CEP350: variants seen among roughly 807,000 people sequenced by gnomAD.
CEP350 encodes centrosomal protein 350.
Under a neutral mutation model 331.8 loss-of-function variants are expected in CEP350, and 126 were observed. The observed-to-expected ratio is 0.38, with a 90% CI of 0.33 to 0.44. CEP350 has a LOEUF of 0.44. Ranked by LOEUF, CEP350 falls within the 20% of genes least tolerant of loss-of-function variation. CEP350 has a pLI of 1.00. For missense variants in CEP350, 3,406 were observed against 3,634.6 expected (o/e 0.94, Z 1.62); for synonymous variants, 1,200 against 1,259.5 (o/e 0.95, Z 1.00).
chr1:180,006,773 A>G (rs574889190), intron 8 of CEP350, among the ~76,000 whole-genome samples: 57 of 152,074 alleles, frequency 3.7e-4, no homozygotes, highest in African/African-American at 1.4e-3. Flanking sequence ...CCAGCCCCCA[A>G]CAAGCCCCGA....
At chr1:180,101,201 C>A (rs1302552218) in intron 37 of CEP350, among the ~76,000 whole-genome samples, 3 of 152,054 alleles carry the variant, frequency 2.0e-5, no homozygotes, top group Non-Finnish European at 4.4e-5. Flanking sequence ...ATGTGACTAT[C>A]CCCTTTGCTG....
intron 37 of CEP350, among the ~76,000 whole-genome samples, chr1:180,109,253 G>C (rs1661342953): frequency 6.6e-6 from 1 of 151,526 alleles, no homozygotes; most frequent in Non-Finnish European, 1.5e-5. Context: ...CTGAGTAGCT[G>C]CGATTACAGG....
At chr1:180,002,852 A>T (rs1000782572) in intron 6 of CEP350, among the ~76,000 whole-genome samples, 71 of 152,214 alleles carry the variant, frequency 4.7e-4, no homozygotes, top group African/African-American at 1.7e-3. Flanking sequence ...CAAAAGACAC[A>T]TGTTGTATGA....
intron 12 of CEP350, 71 bp from the exon 13 acceptor site, chr1:180,022,627 T>C (rs1655402253): frequency 7.3e-7 from 1 of 1,375,318 alleles, no homozygotes; most frequent in Non-Finnish European, 1.0e-6. Context: ...CTAATCTCCA[T>C]GTATGGGATG....
chr1:180,073,444 A>G (rs2149055047), intron 27 of CEP350, among the ~76,000 whole-genome samples: 1 of 152,310 alleles, frequency 6.6e-6, no homozygotes, highest in African/African-American at 2.4e-5. Flanking sequence ...CATGGCCATA[A>G]TTGTTGTACT....
At chr1:180,086,646 C>T (rs967755617) in intron 31 of CEP350, among the ~76,000 whole-genome samples, 1 of 152,008 alleles carries the variant, frequency 6.6e-6, no homozygotes, top group Non-Finnish European at 1.5e-5. Flanking sequence ...ATATGTATAG[C>T]TTTCAGATCT....
At chr1:180,022,389 G>T (rs182274073) in intron 12 of CEP350, among the ~76,000 whole-genome samples, 62 of 152,250 alleles carry the variant, frequency 4.1e-4, no homozygotes, top group African/African-American at 1.5e-3. Context: ...AGTCTGGGGG[G>T]TGGGAGATGA....
At position 180,093,066 on chromosome 1, in the gene CEP350, A is replaced by G; in HGVS notation, c.6961A>G (p.Asn2321Asp). Residue 2321 changes from asparagine (N) to aspartate (D), a missense_variant, in exon 34 of 38, where the codon AAT becomes GAT. By Grantham distance (23) the Asn-to-Asp change is conservative. This residue lies in a region of CEP350 where 1,415 missense variants were observed against 1,512.3 expected (regional missense o/e 0.94). Transcript: ENST00000367607. ...QKDLVGLAIE[N>D]LHKSEEMLKE... ...AGACCTAGTTGGATTAGCTATTGAA[A>G]ATCTCCATAAAAGTGAGGAAATGTT... The G allele has an allele frequency of 6.2e-7, 1 of 1,605,724 alleles. No homozygotes were observed.
At chr1:179,991,314 C>CTTTTTTTTTT (rs748309168) in intron 4 of CEP350, among the ~76,000 whole-genome samples, 110 of 109,348 alleles carry the variant, frequency 1.0e-3, no homozygotes, top group Non-Finnish European at 1.4e-3. Flanking sequence ...TCTTTCTTTT[C>CTTTTTTTTTT]TTTTTTTTTT....
At position 180,098,853 on chromosome 1, in the gene CEP350, G is replaced by A. The variant is rs12121845; in HGVS notation, c.9067-10G>A. ...TGTTTGTGTTTCGTGTATTTGTCTT[G>A]TTTCCACAGAGCTTCATAGCAAGTG... is the stretch of plus-strand genomic sequence containing the variant. On this transcript the variant is annotated splice_polypyrimidine_tract_variant and intron_variant, in intron 36 of 37. Transcript: ENST00000367607. The A allele has an allele frequency of 0.13, 212,474 of 1,608,164 alleles. 14,837 individuals are homozygous for A. Among genetic ancestry groups the A allele is most frequent in the African/African-American group, 0.15 (11,478 of 74,656 alleles).
Position 180,098,920 on chromosome 1 carries a change from A to G in CEP350, c.9124A>G (p.Lys3042Glu), listed in dbSNP as rs750184585. ...CAGTCTTAAAAAGGAGCCAAACCAC[A>G]AAACAGATTGGCAGAAAATGATGAA... Reference protein sequence around the residue: ...LFSLKKEPNHKTDWQKMMKFG... With the variant: ...LFSLKKEPNHETDWQKMMKFG... Residue 3042 changes from lysine (K) to glutamate (E), a missense_variant, in exon 37 of 38, where the codon AAA becomes GAA. Physicochemically the swap from Lys to Glu is moderately conservative, Grantham distance 56 (BLOSUM62 1). Transcript: ENST00000367607. The G allele has an allele frequency of 1.2e-6, 2 of 1,613,620 alleles. No individual in the cohort carries two copies. The highest frequency in any genetic ancestry group is 8.5e-7 in the Non-Finnish European group (1 of 1,179,648).
At chr1:180,042,867 G>C (rs1656859714) in intron 19 of CEP350, among the ~76,000 whole-genome samples, 189 bp from the exon 20 acceptor site, 1 of 152,208 alleles carries the variant, frequency 6.6e-6, no homozygotes, top group African/African-American at 2.4e-5. Flanking sequence ...GTCTAACTCT[G>C]TTTTTATAAG....
Position 179,954,932 on chromosome 1 carries a change from T to C in CEP350, c.-224T>C, listed in dbSNP as rs1650051525. ...CCGCAGCTCGGGGGGTGGCTTGCCCTGAGGGAGGGGAGGCAGCCTTTCCGC... is the reference window on the plus strand; with the variant it reads ...CCGCAGCTCGGGGGGTGGCTTGCCCCGAGGGAGGGGAGGCAGCCTTTCCGC... On this transcript the variant is annotated 5_prime_UTR_variant, in exon 1 of 38. Coordinates refer to ENST00000367607, the MANE Select transcript of CEP350 (RefSeq NM_014810.5). 1 of 869,140 alleles carries C rather than the reference T, an allele frequency of 1.2e-6. No individual in the cohort carries two copies. Among genetic ancestry groups the C allele is most frequent in the South Asian group, 2.6e-5 (1 of 39,076 alleles). 53.8% of individuals were successfully genotyped at this position (869,140 alleles called of 1,614,324 possible). A position where few individuals can be genotyped will look rare whatever the true frequency, so the allele number is the denominator to read the frequency against.
rs1660312089 is a variant in CEP350 at position 180,093,562 on chromosome 1, C to T, written c.7457C>T (p.Ala2486Val). Residue 2486 changes from alanine (A) to valine (V), a missense_variant, in exon 34 of 38, where the codon GCT becomes GTT. By Grantham distance (64) the Ala-to-Val change is moderately conservative. Transcript: ENST00000367607. Reference protein sequence around the residue: ...EQQVTESPSLASVPTADELFD... With the variant: ...EQQVTESPSLVSVPTADELFD... ...CAAGTTACTGAATCCCCTTCCTTGGCTTCAGTTCCTACTGCAGACGAGTTA... is the reference window on the plus strand; with the variant it reads ...CAAGTTACTGAATCCCCTTCCTTGGTTTCAGTTCCTACTGCAGACGAGTTA... 2 of 1,613,648 alleles carry T rather than the reference C, an allele frequency of 1.2e-6. No individual in the cohort carries two copies. Among genetic ancestry groups the T allele is most frequent in the African/African-American group, 2.7e-5 (2 of 74,922 alleles).
intron 1 of CEP350, among the ~76,000 whole-genome samples, chr1:179,978,262 T>A (rs1043750263): frequency 6.6e-5 from 10 of 152,180 alleles, no homozygotes; most frequent in Middle Eastern, 3.4e-3. Flanking sequence ...TAAAAAAAAA[T>A]TTAAATTGAC....
chr1:180,059,198 A>G (rs890665455), intron 25 of CEP350, among the ~76,000 whole-genome samples: 9 of 152,186 alleles, frequency 5.9e-5, no homozygotes, highest in African/African-American at 2.2e-4. Context: ...TGGAAGTTTC[A>G]AAACGTACTC....
intron 30 of CEP350, among the ~76,000 whole-genome samples, chr1:180,080,887 T>G (rs115314674): frequency 0.03 from 4,571 of 152,106 alleles, 120 homozygotes; most frequent in South Asian, 0.071. Context: ...TAAGACAGAG[T>G]CTCACTGTGT....
intron 12 of CEP350, among the ~76,000 whole-genome samples, chr1:180,021,542 C>T (rs982685643): frequency 3.9e-5 from 6 of 152,130 alleles, no homozygotes; most frequent in African/African-American, 1.2e-4. Flanking sequence ...CCTGTAATCC[C>T]AGCTACTTGG....
chr1:179,960,178 A>C (rs1002565773), intron 1 of CEP350, among the ~76,000 whole-genome samples: 9 of 147,868 alleles, frequency 6.1e-5, no homozygotes, highest in Non-Finnish European at 7.5e-5. Flanking sequence ...AGACACACAC[A>C]CACCCACCCA....
Sources: allele counts gnomAD v4.1 joint callset (sites outside exome capture counted in the v4.1 genomes callset), GRCh38; gene constraint gnomAD v4.1.1; regional missense constraint gnomAD v4.1.1; transcripts MANE v1.5; gene names NCBI Gene and HGNC (gene_info 2026-07-23, HGNC 2026-07-21).